PDZD9: variants seen among roughly 807,000 people sequenced by gnomAD.
PDZD9 encodes PDZ domain-containing protein 9.
Under a neutral mutation model 16.3 loss-of-function variants are expected in PDZD9, and 13 were observed. The observed-to-expected ratio is 0.80, with a 90% CI of 0.52 to 1.27. The LOEUF (loss-of-function observed/expected upper bound fraction) is 1.27, where lower values mean the gene tolerates loss of function less well. Among genes scored for constraint, PDZD9 ranks in the 50% most tolerant of loss-of-function variants. PDZD9 has a pLI of 0.00. For synonymous variants in PDZD9, 120 were observed against 111.0 expected, an observed-to-expected ratio of 1.08 and a Z score of -0.51; for missense variants, 288 against 310.9, an observed-to-expected ratio of 0.93 and a Z score of 0.55.
chr16:21,960,757 C>G, the PDZD9 span, among the ~76,000 whole-genome samples: 1 of 152,024 alleles, frequency 6.6e-6, no homozygotes, highest in Admixed American at 6.6e-5. Context: ...GTAGGAATAT[C>G]CAAAGAGAGG....
At chr16:21,980,718 T>C (rs372865475), downstream of PDZD9, 180 of 1,611,916 alleles carry the variant, frequency 1.1e-4, no homozygotes, top group Non-Finnish European at 1.5e-4. Flanking sequence ...AATGAAAACT[T>C]AACGATTTAA....
the PDZD9 span, chr16:21,971,635 C>G: frequency 7.5e-6 from 12 of 1,610,422 alleles, no homozygotes; most frequent in Admixed American, 8.4e-5. Flanking sequence ...GCATTTCATT[C>G]TATTAGGGTT....
chr16:21,958,521 C>A, the PDZD9 span: 6 of 1,611,320 alleles, frequency 3.7e-6, no homozygotes, highest in South Asian at 1.1e-5. Context: ...GATAATCATT[C>A]TTTCTTTTTC....
chr16:21,991,774 T>C (rs1343582071), intron 2 of PDZD9, among the ~76,000 whole-genome samples: 1 of 152,162 alleles, frequency 6.6e-6, no homozygotes, highest in Non-Finnish European at 1.5e-5. Flanking sequence ...CGAGATCTTA[T>C]CATCATTGTC....
At chr16:21,975,859 G>A in the PDZD9 span, among the ~76,000 whole-genome samples, 3 of 152,170 alleles carry the variant, frequency 2.0e-5, no homozygotes, top group East Asian at 1.9e-4. Context: ...GGGAGGTTAA[G>A]GTGGGAGGAT....
chr16:21,972,052 T>C, the PDZD9 span: 1 of 1,614,172 alleles, frequency 6.2e-7, no homozygotes, highest in Non-Finnish European at 8.5e-7. Flanking sequence ...GGGCCACATG[T>C]CAAGAGGGGC....
At chr16:21,958,648 A>C in the PDZD9 span, 34 of 1,524,802 alleles carry the variant, frequency 2.2e-5, no homozygotes, top group South Asian at 3.2e-4. Flanking sequence ...GAAAATATTC[A>C]ATTTTAAGGG....
the PDZD9 span, among the ~76,000 whole-genome samples, chr16:21,964,149 A>C: frequency 6.6e-6 from 1 of 152,316 alleles, no homozygotes; most frequent in African/African-American, 2.4e-5. Context: ...ATGTTATTTC[A>C]TGATGATGCT....
At chr16:21,968,457 T>A in the PDZD9 span, 1 of 477,272 alleles carries the variant, frequency 2.1e-6, no homozygotes, top group Non-Finnish European at 3.6e-6. Context: ...TAAGCAATAG[T>A]TTTTATAATA....
the PDZD9 span, chr16:21,959,303 A>C: frequency 5.0e-6 from 1 of 198,764 alleles, no homozygotes; most frequent in Admixed American, 5.6e-5. Context: ...TTTATCAACC[A>C]AGATTATGTA....
At chr16:21,988,928 CTTTT>C (rs60488437) in intron 2 of PDZD9, 137 bp from the exon 3 acceptor site, 2,049 of 342,826 alleles carry the variant, frequency 6.0e-3, no homozygotes, top group East Asian at 7.7e-3. Flanking sequence ...AGGCTTCAGC[CTTTT>C]TTTTTTTTTT....
the PDZD9 span, among the ~76,000 whole-genome samples, chr16:21,977,385 A>C: frequency 6.6e-6 from 1 of 152,106 alleles, no homozygotes; most frequent in Non-Finnish European, 1.5e-5. Context: ...CTAAGTCACA[A>C]ATCTAAAGAG....
the PDZD9 span, chr16:21,971,822 A>G: frequency 6.5e-7 from 1 of 1,537,752 alleles, no homozygotes; most frequent in Admixed American, 1.7e-5. Flanking sequence ...AGCTGCAGAA[A>G]AGACTCGTGG....
At chr16:21,979,264 T>C (rs1421713434), downstream of PDZD9, among the ~76,000 whole-genome samples, 1 of 152,218 alleles carries the variant, frequency 6.6e-6, no homozygotes, top group Non-Finnish European at 1.5e-5. Context: ...AGGTTTACAA[T>C]ATACACTGTC....
At chr16:21,964,715 A>G in the PDZD9 span, among the ~76,000 whole-genome samples, 1 of 152,044 alleles carries the variant, frequency 6.6e-6, no homozygotes, top group African/African-American at 2.4e-5. Flanking sequence ...TTGTACCTCT[A>G]CTGCACTTTT....
At chr16:21,966,218 C>G in the PDZD9 span, among the ~76,000 whole-genome samples, 1 of 152,070 alleles carries the variant, frequency 6.6e-6, no homozygotes, top group East Asian at 1.9e-4. Flanking sequence ...GACTAAAACT[C>G]TTTGGTCTCT....
intron 1 of PDZD9, chr16:21,998,875 C>A: frequency 5.1e-6 from 1 of 197,064 alleles, no homozygotes; most frequent in South Asian, 1.2e-4. Flanking sequence ...CATGCAATCT[C>A]CTGTCTCAAA....
At chr16:21,962,598 A>G in the PDZD9 span, 13 of 1,599,658 alleles carry the variant, frequency 8.1e-6, no homozygotes, top group Non-Finnish European at 3.4e-6. Flanking sequence ...ATGCGTCATT[A>G]TGACCTCTGA....
intron 1 of PDZD9, among the ~76,000 whole-genome samples, chr16:21,997,040 C>G (rs1392760005): frequency 1.3e-5 from 2 of 152,118 alleles, no homozygotes; most frequent in African/African-American, 4.8e-5. Context: ...CCAGGCTAGT[C>G]TTGAACTCCT....
Sources: allele counts gnomAD v4.1 joint callset (sites outside exome capture counted in the v4.1 genomes callset), GRCh38; gene constraint gnomAD v4.1.1; transcripts MANE v1.5; gene names NCBI Gene and HGNC (gene_info 2026-07-23, HGNC 2026-07-21).